Variants in PCDHGA7 observed in about 807,000 individuals in gnomAD.
PCDHGA7 encodes protocadherin gamma-A7.
A neutral mutation model predicts 58.3 loss-of-function variants in PCDHGA7; 44 were observed. The ratio of observed to expected loss-of-function variants is 0.75; its 90% CI spans 0.59 to 0.97. PCDHGA7 has a LOEUF of 0.97. Ranked by LOEUF, PCDHGA7 falls within the 50% of genes least tolerant of loss-of-function variation. The pLI, the probability that PCDHGA7 is intolerant of heterozygous loss-of-function variation, is 0.00. For synonymous variants in PCDHGA7, 516 were observed against 504.2 expected (o/e 1.02, Z -0.31); for missense variants, 1,266 against 1,188.7 (o/e 1.06, Z -0.96).
chr5:141,403,969 T>C (rs1437416293), intron 1 of PCDHGA7: 2 of 1,613,808 alleles, frequency 1.2e-6, no homozygotes, highest in Non-Finnish European at 1.7e-6. Context: ...CGGTGGAAGA[T>C]GTAAATGACA....
intron 1 of PCDHGA7, among the ~76,000 whole-genome samples, chr5:141,434,571 T>C (rs2154556263): frequency 6.6e-6 from 1 of 152,374 alleles, no homozygotes; most frequent in South Asian, 2.1e-4. Flanking sequence ...GACATGCCCC[T>C]GCTGCAGATA....
At chr5:141,419,878 G>A in intron 1 of PCDHGA7, 2 of 1,614,060 alleles carry the variant, frequency 1.2e-6, no homozygotes, top group Non-Finnish European at 1.7e-6. Context: ...AGGTACTGCC[G>A]GATTTCAGCG....
chr5:141,439,680 A>T (rs1478261632), intron 1 of PCDHGA7, among the ~76,000 whole-genome samples: 1 of 152,236 alleles, frequency 6.6e-6, no homozygotes, highest in African/African-American at 2.4e-5. Context: ...ATCCAAGAGC[A>T]GACCCACAAC....
chr5:141,413,760 C>G (rs778067298), intron 1 of PCDHGA7: 2 of 1,613,250 alleles, frequency 1.2e-6, no homozygotes, highest in African/African-American at 2.7e-5. Context: ...GCGTCAAGTA[C>G]CCGGAGCTGG....
intron 1 of PCDHGA7, chr5:141,427,571 G>T (rs1199845374): frequency 9.1e-6 from 6 of 662,944 alleles, no homozygotes; most frequent in Non-Finnish European, 1.7e-5. Context: ...GCAAGCCTCC[G>T]CTCTCATCCA....
intron 1 of PCDHGA7, chr5:141,400,044 G>T: frequency 1.2e-6 from 2 of 1,613,672 alleles, no homozygotes; most frequent in Non-Finnish European, 1.7e-6. Context: ...AGCGCCTGCT[G>T]GTTGCTGTGC....
At position 141,487,534 on chromosome 5, in the gene PCDHGA7, G is replaced by T; in HGVS notation, c.2425-7273G>T. The T allele has an allele frequency of 6.2e-7, 1 of 1,614,174 alleles. No homozygotes were observed. The highest frequency in any genetic ancestry group is 8.5e-7 in the Non-Finnish European group (1 of 1,180,034). ...CCACTCGGAGTGATAGCTTCATGAT[G>T]GTGAAGTCACCCAGTGCACCTATGG... On this transcript the variant is annotated intron_variant, in intron 1 of 3. Coordinates refer to ENST00000518325, the MANE Select transcript of PCDHGA7 (RefSeq NM_018920.4). This position sits in a 1 kb window ranked among gnomAD's most constrained non-coding sequence, Gnocchi z 5.0.
chr5:141,454,898 C>T (rs1426884791), intron 1 of PCDHGA7, among the ~76,000 whole-genome samples: 1 of 147,834 alleles, frequency 6.8e-6, no homozygotes, highest in Non-Finnish European at 1.5e-5. Flanking sequence ...AGCACCGCCT[C>T]CCGGGTTCAC....
intron 2 of PCDHGA7, among the ~76,000 whole-genome samples, chr5:141,500,189 TTTATTTATTTA>T (rs1562193895): frequency 9.9e-5 from 11 of 110,956 alleles, no homozygotes; most frequent in Middle Eastern, 4.3e-3. Flanking sequence ...TTTATTTTTA[TTTATTTATTTA>T]TTTATTTATT....
intron 1 of PCDHGA7, among the ~76,000 whole-genome samples, chr5:141,482,633 G>T (rs1218163238): frequency 2.0e-5 from 3 of 151,784 alleles, no homozygotes; most frequent in Non-Finnish European, 2.9e-5. Flanking sequence ...AGGAAGAAAT[G>T]ATAGAGGTGG....
rs894528472 is a variant in PCDHGA7 at position 141,489,718 on chromosome 5, C to A, written c.2425-5089C>A. 6.2e-7 allele frequency: 1 copy of A among 1,614,038 alleles called. No individual in the cohort carries two copies. Among genetic ancestry groups the A allele is most frequent in the African/African-American group, 1.3e-5 (1 of 74,934 alleles). ...ATTCCCACTGGACAGTGCCCAGGATCCGGATGTGGGCACCAATACTGTGAG... is the reference window on the plus strand; with the variant it reads ...ATTCCCACTGGACAGTGCCCAGGATACGGATGTGGGCACCAATACTGTGAG... On this transcript the variant is annotated intron_variant, in intron 1 of 3. Coordinates refer to ENST00000518325, the MANE Select transcript of PCDHGA7 (RefSeq NM_018920.4). This position sits in a 1 kb window ranked among gnomAD's most constrained non-coding sequence, Gnocchi z 4.5.
Position 141,393,514 on chromosome 5 carries a change from A to T in PCDHGA7, c.2424+8191A>T, listed in dbSNP as rs72492419. 17 of 1,613,912 alleles carry T rather than the reference A, an allele frequency of 1.1e-5. No individual in the cohort carries two copies. In the East Asian group the frequency reaches 3.8e-4, roughly 36 times the overall value. Reference sequence around the variant, plus strand: ...GTGCGCATCCACGTGACAGTGTTGGATACAAATGACAATGCCCCGGTTTTT... The same window carrying T: ...GTGCGCATCCACGTGACAGTGTTGGTTACAAATGACAATGCCCCGGTTTTT... On this transcript the variant is annotated intron_variant, in intron 1 of 3. Coordinates refer to ENST00000518325, the MANE Select transcript of PCDHGA7 (RefSeq NM_018920.4).
chr5:141,408,878 G>A lies in PCDHGA7; in HGVS notation c.2424+23555G>A. The stretch of plus-strand genomic sequence containing the variant: ...AGGGGACCCACCAAGAAGTGCCACC[G>A]CTCACATAGAAATTTCTGTCAAGGA... On this transcript the variant is annotated intron_variant, in intron 1 of 3. Coordinates refer to ENST00000518325, the MANE Select transcript of PCDHGA7 (RefSeq NM_018920.4). 1.9e-6 allele frequency: 3 copies of A among 1,613,048 alleles called. No homozygotes were observed. Among genetic ancestry groups the A allele is most frequent in the Non-Finnish European group, 1.7e-6 (2 of 1,179,590 alleles).
At position 141,384,125 on chromosome 5, in the gene PCDHGA7, A is replaced by T. The variant is rs376990785; in HGVS notation, c.1226A>T (p.Asn409Ile). 1.2e-6 allele frequency: 2 copies of T among 1,610,814 alleles called. No individual in the cohort carries two copies. The highest frequency in any genetic ancestry group is 1.7e-6 in the Non-Finnish European group (2 of 1,178,324). Residue 409 changes from asparagine (N) to isoleucine (I), a missense_variant, in exon 1 of 4, where the codon AAC becomes ATC. By Grantham distance (149) the Asn-to-Ile change is moderately radical. Coordinates refer to ENST00000518325, the MANE Select transcript of PCDHGA7 (RefSeq NM_018920.4). ...TATTATAGATTGGTCACAACCAAAA[A>T]CTTGGACCGGGAAACACTCTCTTTG... ...DNYYRLVTTK[N>I]LDRETLSLYN...
chr5:141,410,785 G>T, intron 1 of PCDHGA7: 1 of 804,598 alleles, frequency 1.2e-6, no homozygotes, highest in Non-Finnish European at 1.8e-6. Context: ...TATGTATTTG[G>T]TTCATAAGTT....
intron 1 of PCDHGA7, chr5:141,427,780 TGTCGTCCTAC>T (rs892399327): frequency 8.9e-6 from 13 of 1,455,886 alleles, no homozygotes; most frequent in Middle Eastern, 1.7e-4. Context: ...CTGCGGGCAC[TGTCGTCCTAC>T]GTGTCCGTGA....
chr5:141,477,629 C>T lies in PCDHGA7; in HGVS notation c.2425-17178C>T, dbSNP rs1191573380. 6.2e-7 allele frequency: 1 copy of T among 1,614,158 alleles called. No homozygotes were observed. Reference sequence around the variant, plus strand: ...CTTGGAGCAAGGAGCTGAAACCGGGCTAGTGGGTCGCTATTTCACAATAAA... The same window carrying T: ...CTTGGAGCAAGGAGCTGAAACCGGGTTAGTGGGTCGCTATTTCACAATAAA... On this transcript the variant is annotated intron_variant, in intron 1 of 3. Coordinates refer to ENST00000518325, the MANE Select transcript of PCDHGA7 (RefSeq NM_018920.4). The surrounding 1 kb of genome is among the most constrained non-coding windows in gnomAD (Gnocchi z 4.9).
intron 3 of PCDHGA7, among the ~76,000 whole-genome samples, chr5:141,506,564 G>A (rs984395438): frequency 5.3e-5 from 8 of 152,016 alleles, no homozygotes; most frequent in East Asian, 1.9e-4. Context: ...AAACCCCCTC[G>A]GTTTCACTTA....
rs376221362 is a variant in PCDHGA7, at chr5:141,389,239, A to G, written c.2424+3916A>G. 8.2e-5 allele frequency: 132 copies of G among 1,614,008 alleles called. No homozygotes were observed. The highest frequency in any genetic ancestry group is 6.6e-4 in the Middle Eastern group (4 of 6,062). ...AATGACAACGCTCCGGTTTTCTCAC[A>G]GTCTTCCTATATAGTCCACGTGGCC... On this transcript the variant is annotated intron_variant, in intron 1 of 3. Coordinates refer to ENST00000518325, the MANE Select transcript of PCDHGA7 (RefSeq NM_018920.4).
Sources: gnomAD v4.1 joint callset for allele counts (sites outside exome capture counted in the v4.1 genomes callset) on GRCh38, gnomAD v4.1.1 for gene constraint, Gnocchi (gnomAD v3.1) non-coding constraint, MANE v1.5 for transcripts, NCBI Gene and HGNC (gene_info 2026-07-23, HGNC 2026-07-21) for gene names.